Variants in CYB5A observed in about 807,000 individuals in gnomAD.
CYB5A encodes cytochrome b5.
In CYB5A, 10 loss-of-function variants were observed where a neutral mutation model predicts 16.2. The ratio of observed to expected loss-of-function variants is 0.62; its 90% CI spans 0.38 to 1.04. The LOEUF (loss-of-function observed/expected upper bound fraction) is 1.04. Ranked by LOEUF, CYB5A falls within the 50% of genes least tolerant of loss-of-function variation. The pLI is 0.01. For missense variants in CYB5A, 161 were observed against 165.9 expected (o/e 0.97, Z 0.16); for synonymous variants, 62 against 57.0 (o/e 1.09, Z -0.40).
intron 3 of CYB5A, chr18:74,257,809 C>T (rs79833558): frequency 0.054 from 8,211 of 152,322 alleles, 523 homozygotes; most frequent in East Asian, 0.19. Flanking sequence ...TCCAGCTACT[C>T]GGGAGGCTGA....
At chr18:74,259,331 A>G (rs936293077) in intron 3 of CYB5A, 3 of 152,248 alleles carry the variant, frequency 2.0e-5, no homozygotes, top group South Asian at 2.1e-4. Context: ...ACTAAAAGCT[A>G]AAGTCCCAGA....
chr18:74,251,475 G>T lies in CYB5A; in HGVS notation c.*2109C>A, dbSNP rs145810669. 1.3e-5 allele frequency: 2 copies of T among 152,336 alleles called. No homozygotes were observed. The highest frequency in any genetic ancestry group is 3.9e-4 in the East Asian group (2 of 5,190). 9.4% of individuals were successfully genotyped at this position (152,336 alleles called of 1,614,324 possible). ...GAGTTTCTGATTAGCCTTTCCAAAG[G>T]AAGCAATCAGATATGCCTCTCTCTC... is the stretch of plus-strand genomic sequence containing the variant. On this transcript the variant is annotated 3_prime_UTR_variant, in exon 5 of 5. Transcript: ENST00000340533.
intron 1 of CYB5A, among the ~76,000 whole-genome samples, chr18:74,276,889 T>G (rs1404758558): frequency 2.0e-5 from 3 of 152,210 alleles, no homozygotes; most frequent in South Asian, 2.1e-4. Flanking sequence ...ATTAGTAGAC[T>G]CCTTGGCAAG....
intron 1 of CYB5A, among the ~76,000 whole-genome samples, chr18:74,271,589 T>C (rs1449278209): frequency 6.6e-6 from 1 of 152,216 alleles, no homozygotes; most frequent in Non-Finnish European, 1.5e-5. Flanking sequence ...GATACACATA[T>C]ACATTGTGAA....
intron 1 of CYB5A, among the ~76,000 whole-genome samples, chr18:74,277,757 G>A (rs1402988186): frequency 2.0e-5 from 3 of 152,152 alleles, no homozygotes; most frequent in Admixed American, 2.0e-4. Flanking sequence ...GGTGAGCAAG[G>A]GGAGGCATCC....
At chr18:74,269,140 GAC>G (rs1288219668) in intron 1 of CYB5A, among the ~76,000 whole-genome samples, 2 of 152,132 alleles carry the variant, frequency 1.3e-5, no homozygotes, top group Non-Finnish European at 2.9e-5. Flanking sequence ...CTTTCAGGAA[GAC>G]ACAGTACACC....
At chr18:74,285,790 T>G (rs1983294365) in intron 1 of CYB5A, among the ~76,000 whole-genome samples, 1 of 143,010 alleles carries the variant, frequency 7.0e-6, no homozygotes, top group Non-Finnish European at 1.5e-5. Context: ...AGGTCAAGGC[T>G]GCAGTGAGCT....
In CYB5A at chr18:74,271,647, C is replaced by CGTGT. The variant is rs140764495; in HGVS notation, c.130-8174_130-8171dup. ...CATATCCATCACCTCATGTACTTAT[C>CGTGT]GTGTGTGTGTGTGTGTGTGTGTGTC... On this transcript the variant is annotated intron_variant, in intron 1 of 4. Transcript: ENST00000340533. Among the ~76,000 whole-genome samples the CGTGT allele has an allele frequency of 9.2e-3, 1,381 of 149,942 alleles. 6 individuals carry two copies. The highest frequency in any genetic ancestry group is 0.042 in the South Asian group (197 of 4,688).
chr18:74,283,064 G>C (rs1983179799), intron 1 of CYB5A, among the ~76,000 whole-genome samples: 1 of 152,152 alleles, frequency 6.6e-6, no homozygotes, highest in Admixed American at 6.5e-5. Context: ...TGGCCACCAT[G>C]AGAGGTGGCA....
Position 74,251,095 on chromosome 18 carries a change from G to A in CYB5A, c.*2489C>T, listed in dbSNP as rs1162837272. The A allele has an allele frequency of 1.3e-5, 2 of 151,868 alleles. No individual in the cohort carries two copies. Among genetic ancestry groups the A allele is most frequent in the East Asian group, 3.9e-4 (2 of 5,144 alleles). The allele number at this position is 151,868 out of a possible 1,614,324, so 9.4% of individuals were successfully genotyped here. On this transcript the variant is annotated 3_prime_UTR_variant, in exon 5 of 5. Transcript: ENST00000340533. ...TGGGGCAGGAGAATCACTTGAACCTGGGAGTCGGAGGTTGCAGTGAGCCAA... is the reference window on the plus strand; with the variant it reads ...TGGGGCAGGAGAATCACTTGAACCTAGGAGTCGGAGGTTGCAGTGAGCCAA...
At chr18:74,260,154 C>T (rs559600821) in intron 3 of CYB5A, 2 of 152,518 alleles carry the variant, frequency 1.3e-5, no homozygotes, top group Non-Finnish European at 2.9e-5. Context: ...TGCTGTTGCA[C>T]TTTCTCTAAT....
chr18:74,265,684 A>G (rs992954945), intron 1 of CYB5A, among the ~76,000 whole-genome samples: 13 of 152,336 alleles, frequency 8.5e-5, no homozygotes, highest in African/African-American at 3.1e-4. Context: ...GCACGGCACC[A>G]TCATCTGCTC....
intron 1 of CYB5A, among the ~76,000 whole-genome samples, chr18:74,282,664 G>C (rs920808774): frequency 6.6e-6 from 1 of 152,234 alleles, no homozygotes; most frequent in Non-Finnish European, 1.5e-5. Flanking sequence ...TGACACAGGG[G>C]AAACCAGGGC....
chr18:74,270,624 G>A (rs373362304), intron 1 of CYB5A, among the ~76,000 whole-genome samples: 1 of 152,156 alleles, frequency 6.6e-6, no homozygotes, highest in African/African-American at 2.4e-5. Context: ...TACTGAACAT[G>A]AGCAGGCTTC....
rs112934460 is a variant in CYB5A, at chr18:74,281,743, C to CTGTGTGTGTGTGTGTGTGTGTGTGTGTG, written c.129+10003_129+10004insCACACACACACACACACACACACACACA. Among the ~76,000 whole-genome samples the CTGTGTGTGTGTGTGTGTGTGTGTGTGTG allele has an allele frequency of 3.4e-3, 468 of 138,802 alleles. 4 individuals carry two copies. The highest frequency in any genetic ancestry group is 6.5e-3 in the South Asian group (28 of 4,278). 91.1% of individuals were successfully genotyped at this position (138,802 alleles called of 152,430 possible). A position where few individuals can be genotyped will look rare whatever the true frequency, so the allele number is the denominator to read the frequency against. On this transcript the variant is annotated intron_variant, in intron 1 of 4. Coordinates refer to ENST00000340533, the MANE Select transcript of CYB5A (RefSeq NM_148923.4). ...GAGGGGGCAGAAGAGTCAAGGGAGG[C>CTGTGTGTGTGTGTGTGTGTGTGTGTGTG]TGTGTGTGTGTGTGTGTGTGTGTGT...
At chr18:74,289,209 CA>C (rs1284039904) in intron 1 of CYB5A, among the ~76,000 whole-genome samples, 1 of 152,182 alleles carries the variant, frequency 6.6e-6, no homozygotes, top group Non-Finnish European at 1.5e-5. Flanking sequence ...AATTTGTTTT[CA>C]GCTAATTTAC....
At position 74,291,798 on chromosome 18, in the gene CYB5A, G is replaced by C. The variant is rs1983556782; in HGVS notation, c.78C>G (p.Thr26=). 2 of 1,613,912 alleles carry C rather than the reference G, an allele frequency of 1.2e-6. No homozygotes were observed. The highest frequency in any genetic ancestry group is 8.5e-7 in the Non-Finnish European group (1 of 1,179,840). Residue 26 remains threonine (T), a synonymous_variant, in exon 1 of 5, where the codon ACC becomes ACG. Coordinates refer to ENST00000340533, the MANE Select transcript of CYB5A (RefSeq NM_148923.4). ...EIQKHNHSKS[T]WLILHHKVYD... ...ACACCTTGTGGTGCAGGATCAGCCA[G>C]GTGCTCTTGCTGTGGTTGTGCTTCT...
chr18:74,267,058 G>A (rs943702129), intron 1 of CYB5A, among the ~76,000 whole-genome samples: 1 of 152,070 alleles, frequency 6.6e-6, no homozygotes, highest in Non-Finnish European at 1.5e-5. Context: ...GAGAGAGAGA[G>A]ACACTTGGCC....
chr18:74,255,669 G>A (rs919738768), intron 4 of CYB5A, 72 bp downstream of exon 4: 29 of 1,265,662 alleles, frequency 2.3e-5, no homozygotes, highest in Non-Finnish European at 3.4e-5. Flanking sequence ...GAAGGTGGGG[G>A]ACGCACCTTG....
Sources: gnomAD v4.1 joint callset for allele counts (sites outside exome capture counted in the v4.1 genomes callset) on GRCh38, gnomAD v4.1.1 for gene constraint, MANE v1.5 for transcripts, NCBI Gene and HGNC (gene_info 2026-07-23, HGNC 2026-07-21) for gene names.